Variants in LHFPL2 observed in about 807,000 individuals in gnomAD.
The protein encoded by LHFPL2 is LHFPL tetraspan subfamily member 2.
Under a neutral mutation model 17.5 loss-of-function variants are expected in LHFPL2, and 7 were observed. That is an observed-to-expected ratio of 0.40 (90% CI 0.23 to 0.75). The LOEUF is 0.75. LHFPL2 is among the 30% of genes least tolerant of loss of function. The pLI is 0.37. For synonymous variants in LHFPL2, 134 were observed against 116.2 expected, an observed-to-expected ratio of 1.15 and a Z score of -0.99; for missense variants, 241 against 294.8, an observed-to-expected ratio of 0.82 and a Z score of 1.34.
At chr5:78,588,750 A>G (rs1004222702) in intron 2 of LHFPL2, among the ~76,000 whole-genome samples, 1 of 152,234 alleles carries the variant, frequency 6.6e-6, no homozygotes, top group Non-Finnish European at 1.5e-5. Flanking sequence ...TGGAGATAAA[A>G]TAACAGTCCC....
chr5:78,558,675 G>A (rs1320892182), intron 3 of LHFPL2, among the ~76,000 whole-genome samples: 2 of 152,176 alleles, frequency 1.3e-5, no homozygotes, highest in East Asian at 3.9e-4. Context: ...ACATCCCTGT[G>A]GACTAATCTG....
At chr5:78,629,722 A>C (rs1180746670) in intron 2 of LHFPL2, among the ~76,000 whole-genome samples, 1 of 152,234 alleles carries the variant, frequency 6.6e-6, no homozygotes, top group African/African-American at 2.4e-5. Flanking sequence ...GGAGTCCCAG[A>C]TCAGGAGACA....
At chr5:78,605,656 T>A (rs936514825) in intron 2 of LHFPL2, among the ~76,000 whole-genome samples, 1 of 152,218 alleles carries the variant, frequency 6.6e-6, no homozygotes, top group Non-Finnish European at 1.5e-5. Flanking sequence ...GTGTCAATTT[T>A]AATTAAATAA....
intron 2 of LHFPL2, among the ~76,000 whole-genome samples, chr5:78,609,844 T>TAA (rs139554101): frequency 6.8e-6 from 1 of 146,016 alleles, no homozygotes; most frequent in Non-Finnish European, 1.5e-5. Flanking sequence ...TTGGTGTACC[T>TAA]AAAAAAAAAA....
chr5:78,489,293 C>T (rs1561301217), intron 4 of LHFPL2, 140 bp from the exon 5 acceptor site: 4 of 852,580 alleles, frequency 4.7e-6, no homozygotes, highest in Non-Finnish European at 5.4e-6. Flanking sequence ...CTGTTTCATG[C>T]AAACTAATCT....
chr5:78,548,890 G>T (rs1756360265), intron 3 of LHFPL2: 1 of 152,192 alleles, frequency 6.6e-6, no homozygotes, highest in Non-Finnish European at 1.5e-5. Context: ...CTCCTAGAAA[G>T]TATCAGATTA....
At chr5:78,571,892 C>T (rs1261386625) in intron 2 of LHFPL2, among the ~76,000 whole-genome samples, 1 of 152,196 alleles carries the variant, frequency 6.6e-6, no homozygotes, top group South Asian at 2.1e-4. Flanking sequence ...AGGATGTAAG[C>T]TCCCTGCAGA....
At chr5:78,497,483 T>C (rs941349182) in intron 4 of LHFPL2, among the ~76,000 whole-genome samples, 1 of 152,230 alleles carries the variant, frequency 6.6e-6, no homozygotes, top group African/African-American at 2.4e-5. Context: ...CCAGCTTGAA[T>C]GTAAACTCCA....
intron 2 of LHFPL2, among the ~76,000 whole-genome samples, chr5:78,584,491 T>C (rs1213850054): frequency 6.6e-6 from 1 of 152,164 alleles, no homozygotes; most frequent in Non-Finnish European, 1.5e-5. Flanking sequence ...TTGTGAGTTT[T>C]CCTTCTAACA....
chr5:78,579,856 C>T (rs1014983114), intron 2 of LHFPL2, among the ~76,000 whole-genome samples: 4 of 152,176 alleles, frequency 2.6e-5, no homozygotes, highest in Admixed American at 1.3e-4. Flanking sequence ...TGGGTATATA[C>T]CCAGTAATGG....
intron 3 of LHFPL2, among the ~76,000 whole-genome samples, chr5:78,543,845 G>A (rs1017013740): frequency 2.6e-5 from 4 of 152,244 alleles, no homozygotes; most frequent in African/African-American, 4.8e-5. Flanking sequence ...ATTGCTGCAC[G>A]TGAACTAAAG....
rs1410043689 is a variant in LHFPL2 at position 78,488,042 on chromosome 5, C to T, written c.*855G>A. On this transcript the variant is annotated 3_prime_UTR_variant, in exon 5 of 5. Transcript: ENST00000380345. ...ACAGCTAGCTTGGAGACCTCAGTCC[C>T]TGGAAGGAGGAAACAGTGAGGTTTC... 1 of 152,144 alleles carries T rather than the reference C, an allele frequency of 6.6e-6. No individual in the cohort carries two copies. The allele number at this position is 152,144 out of a possible 1,614,324, so 9.4% of individuals were successfully genotyped here. A position where few individuals can be genotyped will look rare whatever the true frequency, so the allele number is the denominator to read the frequency against.
intron 3 of LHFPL2, among the ~76,000 whole-genome samples, chr5:78,523,111 GGTGT>G (rs57180798): frequency 0.056 from 8,433 of 149,574 alleles, 731 homozygotes; most frequent in African/African-American, 0.19. Flanking sequence ...GTGTGTCTGT[GGTGT>G]GTGTGTGTGT....
At chr5:78,541,461 G>A (rs959936734) in intron 3 of LHFPL2, among the ~76,000 whole-genome samples, 8 of 152,124 alleles carry the variant, frequency 5.3e-5, no homozygotes, top group South Asian at 2.1e-4. Context: ...ATTTCAAACC[G>A]CACAGCCCAC....
At chr5:78,625,206 TACAC>T (rs34765678) in intron 2 of LHFPL2, 49,758 of 148,644 alleles carry the variant, frequency 0.33, 8,437 homozygotes, top group African/African-American at 0.42. Context: ...ATTCTATACG[TACAC>T]ACACACACAC....
At chr5:78,628,836 T>C (rs763140471) in intron 2 of LHFPL2, among the ~76,000 whole-genome samples, 2 of 152,166 alleles carry the variant, frequency 1.3e-5, no homozygotes, top group Non-Finnish European at 1.5e-5. Context: ...GTCAAGTAAG[T>C]AGATGAAATG....
intron 3 of LHFPL2, among the ~76,000 whole-genome samples, chr5:78,556,936 T>C (rs1449746407): frequency 6.6e-6 from 1 of 151,578 alleles, no homozygotes; most frequent in Non-Finnish European, 1.5e-5. Flanking sequence ...GGGGGACAGG[T>C]CACACATAAA....
intron 2 of LHFPL2, among the ~76,000 whole-genome samples, chr5:78,597,942 C>A (rs955382982): frequency 6.6e-6 from 1 of 152,204 alleles, no homozygotes; most frequent in African/African-American, 2.4e-5. Context: ...TTCCAGGATG[C>A]AGAGCCAGAA....
chr5:78,613,142 T>C (rs917560224), intron 2 of LHFPL2, among the ~76,000 whole-genome samples: 9 of 152,198 alleles, frequency 5.9e-5, no homozygotes, highest in Admixed American at 5.2e-4. Flanking sequence ...GGCCACAGAA[T>C]ATACTGCTTA....
Sources: gnomAD v4.1 joint callset for allele counts (sites outside exome capture counted in the v4.1 genomes callset) on GRCh38, gnomAD v4.1.1 for gene constraint, MANE v1.5 for transcripts, NCBI Gene and HGNC (gene_info 2026-07-23, HGNC 2026-07-21) for gene names.